Variants in CCDC149 observed in about 807,000 individuals in gnomAD.
The protein encoded by CCDC149 is coiled-coil domain containing 149.
CCDC149 carries 45 observed loss-of-function variants against 59.9 expected under a neutral mutation model. The observed-to-expected ratio is 0.75, with a 90% CI of 0.59 to 0.96. CCDC149 has a LOEUF of 0.96. Ranked by LOEUF, CCDC149 falls within the 40% of genes least tolerant of loss-of-function variation. The pLI is 0.00. For synonymous variants in CCDC149, 245 were observed against 260.6 expected (o/e 0.94, Z 0.58); for missense variants, 584 against 664.7 (o/e 0.88, Z 1.33).
At chr4:24,902,187 T>C (rs183965922) in intron 1 of CCDC149, among the ~76,000 whole-genome samples, 74 of 152,340 alleles carry the variant, frequency 4.9e-4, no homozygotes, top group African/African-American at 1.7e-3. Flanking sequence ...AAAGGCTAGA[T>C]TACTGGTATC....
intron 4 of CCDC149, among the ~76,000 whole-genome samples, chr4:24,851,344 C>A (rs1449836096): frequency 2.0e-5 from 3 of 152,180 alleles, no homozygotes; most frequent in African/African-American, 7.2e-5. Flanking sequence ...TTCTCTGTAG[C>A]CTCAACCTTC....
intron 1 of CCDC149, among the ~76,000 whole-genome samples, chr4:24,919,789 A>G (rs1722232536): frequency 1.3e-5 from 2 of 152,230 alleles, no homozygotes. Flanking sequence ...GGGCCAGATG[A>G]TCTTGAAGGC....
At position 24,950,533 on chromosome 4, in the gene CCDC149, T is replaced by C. The variant is rs374530624; in HGVS notation, c.-65+29536A>G. On this transcript the variant is annotated intron_variant, in intron 1 of 12. Transcript: ENST00000389609. ...AATGAGCAGAACATTGGAAGGGGAG[T>C]GGAGAATCCCAGCCTTTGGAGTAAG... Among the ~76,000 whole-genome samples the C allele has an allele frequency of 2.6e-5, 4 of 151,622 alleles. No homozygotes were observed. In the East Asian group the frequency reaches 7.8e-4, roughly 30 times the overall value.
intron 12 of CCDC149, among the ~76,000 whole-genome samples, chr4:24,816,239 C>T (rs1715008998): frequency 6.6e-6 from 1 of 152,066 alleles, no homozygotes; most frequent in Admixed American, 6.5e-5. Flanking sequence ...AGGCATGTGC[C>T]ACCATGTGCA....
intron 3 of CCDC149, among the ~76,000 whole-genome samples, chr4:24,866,906 C>T (rs1375436714): frequency 1.3e-5 from 2 of 151,928 alleles, no homozygotes; most frequent in Admixed American, 6.6e-5. Context: ...ATTCCTAGCT[C>T]AATTTCTGGT....
intron 4 of CCDC149, among the ~76,000 whole-genome samples, chr4:24,845,028 T>A (rs1717194877): frequency 6.6e-6 from 1 of 152,180 alleles, no homozygotes; most frequent in African/African-American, 2.4e-5. Flanking sequence ...TAAATGGCAG[T>A]CAGGAATTGA....
At chr4:24,859,131 T>C (rs886850595) in intron 3 of CCDC149, among the ~76,000 whole-genome samples, 1 of 152,218 alleles carries the variant, frequency 6.6e-6, no homozygotes, top group Non-Finnish European at 1.5e-5. Context: ...GTGAAAAAGA[T>C]AGGCATACAG....
chr4:24,969,451 C>T (rs1056616512), intron 1 of CCDC149, among the ~76,000 whole-genome samples: 1 of 152,124 alleles, frequency 6.6e-6, no homozygotes, highest in Admixed American at 6.5e-5. Context: ...ATAATGGGCA[C>T]AACAAATGGA....
chr4:24,973,907 C>A (rs562641255), intron 1 of CCDC149, among the ~76,000 whole-genome samples: 20 of 152,350 alleles, frequency 1.3e-4, no homozygotes, highest in African/African-American at 4.6e-4. Flanking sequence ...GGCAAGTAGG[C>A]CTTGCTCTGT....
chr4:24,937,294 G>A (rs975959332), intron 1 of CCDC149, among the ~76,000 whole-genome samples: 1 of 152,168 alleles, frequency 6.6e-6, no homozygotes, highest in Non-Finnish European at 1.5e-5. Flanking sequence ...AGCAAACTGT[G>A]GTCATGACGA....
chr4:24,946,882 G>A (rs530186725), intron 1 of CCDC149, among the ~76,000 whole-genome samples: 14 of 152,216 alleles, frequency 9.2e-5, no homozygotes, highest in African/African-American at 2.6e-4. Context: ...TGTGGTGCCC[G>A]CATATTCATA....
At chr4:24,875,483 T>G (rs991462214) in intron 2 of CCDC149, among the ~76,000 whole-genome samples, 2 of 151,936 alleles carry the variant, frequency 1.3e-5, no homozygotes, top group African/African-American at 4.8e-5. Flanking sequence ...AAATTTGGAA[T>G]TTATTTTATT....
rs149220545 is a variant in CCDC149 at position 24,890,536 on chromosome 4, C to T, written c.64-13839G>A. 4.4e-4 allele frequency among the ~76,000 whole-genome samples: 67 copies of T among 152,312 alleles called. 1 individual carries two copies. The highest frequency in any genetic ancestry group is 1.5e-3 in the African/African-American group (61 of 41,560). Reference sequence around the variant, plus strand: ...TCTAAAGACACCAATCTTATTATCACAGTAATCAAAAGAACTGAGTCTGTC... The same window carrying T: ...TCTAAAGACACCAATCTTATTATCATAGTAATCAAAAGAACTGAGTCTGTC... On this transcript the variant is annotated intron_variant, in intron 1 of 12. Transcript: ENST00000635206.
At chr4:24,877,810 G>A (rs1719557280) in intron 1 of CCDC149, among the ~76,000 whole-genome samples, 2 of 152,050 alleles carry the variant, frequency 1.3e-5, no homozygotes, top group Non-Finnish European at 2.9e-5. Flanking sequence ...CCTGCACCAC[G>A]AACCACCCTC....
chr4:24,934,659 C>A (rs886677663), intron 1 of CCDC149, among the ~76,000 whole-genome samples: 8 of 152,112 alleles, frequency 5.3e-5, no homozygotes, highest in African/African-American at 1.7e-4. Flanking sequence ...ATATTGTAAT[C>A]TCAGGAAATG....
rs1215048769 is a variant in CCDC149 at position 24,806,983 on chromosome 4, C to T, written c.*1406G>A. The T allele has an allele frequency of 3.3e-5, 5 of 152,536 alleles. No homozygotes were observed. Among genetic ancestry groups the T allele is most frequent in the Admixed American group, 2.6e-4 (4 of 15,280 alleles). 9.4% of individuals were successfully genotyped at this position (152,536 alleles called of 1,614,324 possible). A position where few individuals can be genotyped will look rare whatever the true frequency, so the allele number is the denominator to read the frequency against. On this transcript the variant is annotated 3_prime_UTR_variant, in exon 13 of 13. Coordinates refer to ENST00000635206, the MANE Select transcript of CCDC149 (RefSeq NM_001330643.2). ...AGGGATGTATCCACGTGGCTGACCC[C>T]TCGTGTCCAGATGTCACATCTTAGT...
At chr4:24,908,411 G>A (rs1454336045) in intron 1 of CCDC149, among the ~76,000 whole-genome samples, 1 of 151,914 alleles carries the variant, frequency 6.6e-6, no homozygotes, top group Non-Finnish European at 1.5e-5. Context: ...AAATATCAGT[G>A]GCTAGGCCAG....
At chr4:24,876,113 G>A (rs556070205) in intron 2 of CCDC149, among the ~76,000 whole-genome samples, 1 of 152,136 alleles carries the variant, frequency 6.6e-6, no homozygotes, top group Non-Finnish European at 1.5e-5. Flanking sequence ...TCACTTAGGA[G>A]CTGGTTTGGC....
chr4:24,912,093 G>C (rs76532256), intron 1 of CCDC149, among the ~76,000 whole-genome samples: 21,263 of 152,160 alleles, frequency 0.14, 1,595 homozygotes, highest in East Asian at 0.21. Flanking sequence ...TCTCCCGGCA[G>C]GCCGGCAAAC....
Sources: gnomAD v4.1 joint callset for allele counts (sites outside exome capture counted in the v4.1 genomes callset) on GRCh38, gnomAD v4.1.1 for gene constraint, MANE v1.5 for transcripts, NCBI Gene and HGNC (gene_info 2026-07-23, HGNC 2026-07-21) for gene names.